PDE7B: variants seen among roughly 807,000 people sequenced by gnomAD.
PDE7B encodes the protein phosphodiesterase 7B, also known as 3',5'-cyclic-AMP phosphodiesterase 7B.
PDE7B carries 29 observed loss-of-function variants against 56.2 expected under a neutral mutation model. The ratio of observed to expected loss-of-function variants is 0.52; its 90% confidence interval spans 0.38 to 0.70. The LOEUF (loss-of-function observed/expected upper bound fraction) is 0.70, where lower values mean the gene tolerates loss of function less well. PDE7B is among the 30% of genes least tolerant of loss of function. The pLI is 0.00. For synonymous variants in PDE7B, 197 were observed against 196.9 expected (o/e 1.00, Z 0.00); for missense variants, 490 against 565.0 (o/e 0.87, Z 1.35).
intron 2 of PDE7B, among the ~76,000 whole-genome samples, chr6:135,961,257 GTGTGTGTGTGTGTGTGTGTGTGTA>G (rs1446372987): frequency 1.2e-4 from 17 of 136,130 alleles, no homozygotes; most frequent in South Asian, 2.2e-4. Flanking sequence ...GAGTGTATAT[GTGTGTGTGTGTGTGTGTGTGTGTA>G]TGTGTGTGTG....
At chr6:135,978,400 A>C (rs987609614) in intron 2 of PDE7B, among the ~76,000 whole-genome samples, 1 of 152,114 alleles carries the variant, frequency 6.6e-6, no homozygotes, top group Non-Finnish European at 1.5e-5. Context: ...TGGTGAGTGA[A>C]TATGAAGACC....
At chr6:136,186,126 A>C (rs1448062412) in intron 11 of PDE7B, among the ~76,000 whole-genome samples, 2 of 151,844 alleles carry the variant, frequency 1.3e-5, no homozygotes, top group African/African-American at 2.4e-5. Context: ...TTAAAAAAAA[A>C]CATTTTGAGC....
At chr6:136,079,753 C>T (rs1374262695) in intron 2 of PDE7B, among the ~76,000 whole-genome samples, 2 of 151,032 alleles carry the variant, frequency 1.3e-5, no homozygotes, top group South Asian at 2.1e-4. Context: ...AAAAGACTTT[C>T]CCACTGTTTC....
intron 3 of PDE7B, among the ~76,000 whole-genome samples, chr6:136,146,755 G>A (rs1280997795): frequency 6.6e-6 from 1 of 152,162 alleles, no homozygotes; most frequent in African/African-American, 2.4e-5. Flanking sequence ...GCAGAAGTGT[G>A]TGAATTTCAC....
At chr6:135,975,177 G>A (rs1354446134) in intron 2 of PDE7B, among the ~76,000 whole-genome samples, 1 of 151,124 alleles carries the variant, frequency 6.6e-6, no homozygotes, top group Admixed American at 6.6e-5. Flanking sequence ...AAGAAAACCT[G>A]GAAATTCAGA....
chr6:135,940,438 G>A (rs564569700), intron 1 of PDE7B, among the ~76,000 whole-genome samples: 20 of 152,320 alleles, frequency 1.3e-4, no homozygotes, highest in Non-Finnish European at 2.4e-4. Flanking sequence ...ATGATACACT[G>A]TTAGCACAGA....
intron 1 of PDE7B, among the ~76,000 whole-genome samples, chr6:135,911,382 A>G (rs1466251924): frequency 6.6e-6 from 1 of 152,228 alleles, no homozygotes; most frequent in Non-Finnish European, 1.5e-5. Flanking sequence ...TCTTCTCCCC[A>G]GGGGAAACTG....
chr6:135,997,638 A>C (rs1283308222), intron 2 of PDE7B, among the ~76,000 whole-genome samples: 1 of 152,084 alleles, frequency 6.6e-6, no homozygotes, highest in Non-Finnish European at 1.5e-5. Flanking sequence ...ATGCCTATGA[A>C]TAGAAAAGAG....
At chr6:135,995,428 TTTG>T (rs1352921481) in intron 2 of PDE7B, among the ~76,000 whole-genome samples, 4 of 152,224 alleles carry the variant, frequency 2.6e-5, no homozygotes, top group East Asian at 1.9e-4. Flanking sequence ...AATAGTATTT[TTTG>T]TTGTTGTTGG....
chr6:135,862,843 T>G (rs1258384569), intron 1 of PDE7B, among the ~76,000 whole-genome samples: 2 of 151,882 alleles, frequency 1.3e-5, no homozygotes, highest in East Asian at 3.8e-4. Context: ...TTCAGCTGTC[T>G]CCCCTAGGTT....
chr6:136,108,929 T>A, intron 3 of PDE7B, 115 bp downstream of exon 3: 1 of 730,008 alleles, frequency 1.4e-6, no homozygotes, highest in East Asian at 2.6e-5. Flanking sequence ...CCTTCCTGAA[T>A]CTCTCTTCTG....
chr6:135,933,685 G>T (rs1774333401), intron 1 of PDE7B, among the ~76,000 whole-genome samples: 1 of 151,900 alleles, frequency 6.6e-6, no homozygotes, highest in South Asian at 2.1e-4. Flanking sequence ...CTCCTAGTTT[G>T]CTAACTATCA....
intron 8 of PDE7B, among the ~76,000 whole-genome samples, chr6:136,164,649 G>A (rs1169503339): frequency 6.6e-6 from 1 of 152,110 alleles, no homozygotes; most frequent in Non-Finnish European, 1.5e-5. Context: ...AGTACTTAGA[G>A]CCTGATGTTA....
chr6:135,965,696 G>A (rs1051044976), intron 2 of PDE7B, among the ~76,000 whole-genome samples: 13 of 152,002 alleles, frequency 8.6e-5, no homozygotes, highest in African/African-American at 2.7e-4. Flanking sequence ...CTCATGATTC[G>A]GTTACCTCCC....
chr6:135,959,891 A>T lies in PDE7B; in HGVS notation c.82+12367A>T, dbSNP rs115210095. The stretch of plus-strand genomic sequence containing the variant: ...TGGGCTTAAGCAATCCTTTCACCTG[A>T]CCCTCTCAAGTACCTGGGACTACAG... On this transcript the variant is annotated intron_variant, in intron 2 of 12. Transcript: ENST00000308191. Among the ~76,000 whole-genome samples, 557 of 152,016 alleles carry T rather than the reference A, an allele frequency of 3.7e-3. 4 individuals are homozygous for T. The highest frequency in any genetic ancestry group is 0.013 in the African/African-American group (523 of 41,454).
intron 2 of PDE7B, among the ~76,000 whole-genome samples, chr6:136,004,357 A>G (rs908915763): frequency 2.6e-5 from 4 of 152,156 alleles, no homozygotes; most frequent in African/African-American, 4.8e-5. Context: ...GGCCAGGGCA[A>G]TTAGGCAGGA....
intron 1 of PDE7B, among the ~76,000 whole-genome samples, chr6:135,895,486 A>G (rs192896589): frequency 7.5e-4 from 114 of 152,270 alleles, no homozygotes; most frequent in Middle Eastern, 6.8e-3. Context: ...CGGGTCTACG[A>G]GTAATTCAGT....
chr6:136,190,692 G>T (rs555699511), intron 12 of PDE7B, among the ~76,000 whole-genome samples: 1 of 152,068 alleles, frequency 6.6e-6, no homozygotes, highest in Admixed American at 6.6e-5. Context: ...GGCAAAACGC[G>T]ATTAGAAAGT....
chr6:136,131,867 C>A (rs1778124869), intron 3 of PDE7B, among the ~76,000 whole-genome samples: 2 of 152,078 alleles, frequency 1.3e-5, no homozygotes, highest in South Asian at 2.1e-4. Context: ...AGTTGTCTTT[C>A]ACTATTAGCA....
Sources: gnomAD v4.1 joint callset for allele counts (sites outside exome capture counted in the v4.1 genomes callset) on GRCh38, gnomAD v4.1.1 for gene constraint, MANE v1.5 for transcripts, NCBI Gene and HGNC (gene_info 2026-07-23, HGNC 2026-07-21) for gene names.